POLA1: variants seen among roughly 807,000 people sequenced by gnomAD.
POLA1 encodes DNA polymerase alpha 1, catalytic subunit, also known as DNA polymerase alpha catalytic subunit.
In POLA1, 15 loss-of-function variants were observed where a neutral mutation model predicts 124.0. That is an observed-to-expected ratio of 0.12 (90% CI 0.08 to 0.19). The LOEUF is 0.19. Ranked by LOEUF, POLA1 falls within the 10% of genes least tolerant of loss-of-function variation. The probability of loss-of-function intolerance (pLI) is 1.00; values close to 1 mark genes in which losing one functional copy is unlikely to be tolerated. For synonymous variants in POLA1, 408 were observed against 389.4 expected, an observed-to-expected ratio of 1.05 and a Z score of -0.56; for missense variants, 886 against 1,103.4, an observed-to-expected ratio of 0.80 and a Z score of 2.79.
At chrX:24,945,135 T>G (rs2047945602) in intron 36 of POLA1, among the ~76,000 whole-genome samples, 1 of 112,456 alleles carries the variant, frequency 8.9e-6, no homozygotes, top group African/African-American at 3.2e-5. Context: ...TTCAGCAGGA[T>G]GACATGGAAA....
chrX:24,819,632 T>G (rs1449160849), intron 30 of POLA1, among the ~76,000 whole-genome samples: 1 of 109,925 alleles, frequency 9.1e-6, no homozygotes, highest in African/African-American at 3.3e-5. Context: ...TTGAGAGCTG[T>G]TTTTTTTTGT....
chrX:24,793,277 CAAAAAAAAAAAAAAA>C (rs144419886), intron 26 of POLA1, among the ~76,000 whole-genome samples: 17 of 26,034 alleles, frequency 6.5e-4, no homozygotes, highest in African/African-American at 1.4e-3. Flanking sequence ...GACTCCCTCT[CAAAAAAAAAAAAAAA>C]AAAAAAAAAA....
At chrX:24,867,846 G>A (rs2046813997) in intron 34 of POLA1, among the ~76,000 whole-genome samples, 1 of 111,787 alleles carries the variant, frequency 8.9e-6, no homozygotes, top group Non-Finnish European at 1.9e-5. Context: ...CCTGCCTCGT[G>A]TAGGGAAAAA....
At chrX:24,951,555 T>C (rs925983975) in intron 36 of POLA1, among the ~76,000 whole-genome samples, 2 of 110,306 alleles carry the variant, frequency 1.8e-5, no homozygotes, top group African/African-American at 6.6e-5. Context: ...CCCCTTTTCA[T>C]CTTCCCGCCC....
intron 26 of POLA1, among the ~76,000 whole-genome samples, chrX:24,766,653 G>A (rs1208530843): frequency 9.0e-6 from 1 of 111,605 alleles, no homozygotes; most frequent in Non-Finnish European, 1.9e-5. Flanking sequence ...TGGTTGGCAA[G>A]GAACTATGTG....
chrX:24,722,372 C>T (rs1275328632), intron 10 of POLA1, among the ~76,000 whole-genome samples: 1 of 112,050 alleles, frequency 8.9e-6, no homozygotes, highest in Non-Finnish European at 1.9e-5. Flanking sequence ...TTATGGTATT[C>T]ATTACTTAAA....
chrX:24,940,778 G>A (rs2047901703), intron 36 of POLA1, among the ~76,000 whole-genome samples: 1 of 112,081 alleles, frequency 8.9e-6, no homozygotes, highest in African/African-American at 3.2e-5. Context: ...ACTCATTGTG[G>A]TATTACCAGT....
At chrX:24,810,584 T>C in intron 27 of POLA1, 124 bp from the exon 28 acceptor site, 2 of 364,676 alleles carry the variant, frequency 5.5e-6, no homozygotes. Flanking sequence ...TAAATAATAA[T>C]TAACATAAAC....
chrX:24,959,192 A>G lies in POLA1; in HGVS notation c.4261+28643A>G, dbSNP rs1434686810. 5.4e-5 allele frequency among the ~76,000 whole-genome samples: 6 copies of G among 111,743 alleles called. No individual in the cohort carries two copies. In the South Asian group the frequency reaches 1.1e-3, roughly 21 times the overall value. On this transcript the variant is annotated intron_variant, in intron 36 of 36. Coordinates refer to ENST00000379068, the MANE Select transcript of POLA1 (RefSeq NM_001330360.2). ...CCATGTCCAAGATTTGTGGCCAGGC[A>G]CGGTGGCTCACACCTGTAATCCCAG...
At chrX:24,900,766 T>C (rs1351143649) in intron 35 of POLA1, among the ~76,000 whole-genome samples, 1 of 111,787 alleles carries the variant, frequency 8.9e-6, no homozygotes, top group African/African-American at 3.3e-5. Flanking sequence ...CTGAAGGCTT[T>C]GCAGAGGTAC....
intron 22 of POLA1, among the ~76,000 whole-genome samples, chrX:24,742,355 C>A (rs1358361089): frequency 8.9e-6 from 1 of 112,252 alleles, no homozygotes; most frequent in Non-Finnish European, 1.9e-5. Flanking sequence ...ATGTGAAATT[C>A]TTTGAGGGAA....
intron 22 of POLA1, 84 bp downstream of exon 22, chrX:24,742,205 TA>T (rs2148394018): frequency 1.2e-6 from 1 of 840,052 alleles, no homozygotes; most frequent in African/African-American, 2.2e-5. Flanking sequence ...TTTTCTGTGA[TA>T]ACATCTGCTT....
chrX:24,796,047 A>G (rs2045599765), intron 26 of POLA1, among the ~76,000 whole-genome samples: 1 of 111,415 alleles, frequency 9.0e-6, no homozygotes, highest in Admixed American at 9.5e-5. Context: ...CAAACTTAAC[A>G]TAAAATAGAA....
intron 36 of POLA1, among the ~76,000 whole-genome samples, chrX:24,958,577 A>G (rs983072798): frequency 3.6e-5 from 4 of 112,635 alleles, no homozygotes; most frequent in African/African-American, 1.3e-4. Context: ...GACAGCCATT[A>G]CAATGTGTAT....
chrX:24,731,819 A>C (rs1930922413), intron 15 of POLA1, among the ~76,000 whole-genome samples: 1 of 112,167 alleles, frequency 8.9e-6, no homozygotes, highest in South Asian at 3.7e-4. Flanking sequence ...TTTGCTTCAA[A>C]ATAATCTAGA....
intron 30 of POLA1, among the ~76,000 whole-genome samples, chrX:24,819,797 C>T (rs1208318998): frequency 1.6e-4 from 18 of 110,998 alleles, no homozygotes; most frequent in Non-Finnish European, 3.4e-4. Context: ...TAATGCTCTC[C>T]CTCCCCTTCC....
intron 11 of POLA1, among the ~76,000 whole-genome samples, chrX:24,724,123 G>A (rs1930385326): frequency 8.9e-6 from 1 of 112,308 alleles, no homozygotes; most frequent in African/African-American, 3.2e-5. Flanking sequence ...TCGCTGATTT[G>A]TTTTTTATGA....
chrX:24,714,236 C>T (rs1340037518), intron 4 of POLA1, among the ~76,000 whole-genome samples: 1 of 111,985 alleles, frequency 8.9e-6, no homozygotes. Flanking sequence ...TGGCTCACTG[C>T]AAGCTCCACC....
chrX:24,694,168 G>A (rs773234323), intron 1 of POLA1, among the ~76,000 whole-genome samples, 164 bp downstream of exon 1: 1 of 112,997 alleles, frequency 8.8e-6, no homozygotes, highest in South Asian at 3.6e-4. Context: ...TTTAGGCGCG[G>A]TTTGCTCTTG....
Sources: gnomAD v4.1 joint callset for allele counts (sites outside exome capture counted in the v4.1 genomes callset) on GRCh38, gnomAD v4.1.1 for gene constraint, MANE v1.5 for transcripts, NCBI Gene and HGNC (gene_info 2026-07-23, HGNC 2026-07-21) for gene names.